The following NCAM1 variants were observed in gnomAD, a reference collection of about 807,000 sequenced individuals.
The protein encoded by NCAM1 is antigen recognized by monoclonal antibody 5.1H11.
Under a neutral mutation model 109.8 loss-of-function variants are expected in NCAM1, and 14 were observed. That is an observed-to-expected ratio of 0.13 (90% confidence interval 0.08 to 0.20). The LOEUF is 0.20. Among genes scored for constraint, NCAM1 ranks in the 10% least tolerant of loss-of-function variants. The probability of loss-of-function intolerance (pLI) is 1.00; values close to 1 mark genes in which losing one functional copy is unlikely to be tolerated. For missense variants in NCAM1, 774 were observed against 1,109.9 expected, an observed-to-expected ratio of 0.70 and a Z score of 4.30; for synonymous variants, 418 against 442.9, an observed-to-expected ratio of 0.94 and a Z score of 0.70.
At chr11:113,204,073 A>AC (rs1555112395) in intron 2 of NCAM1, among the ~76,000 whole-genome samples, 4 of 152,158 alleles carry the variant, frequency 2.6e-5, no homozygotes, top group Non-Finnish European at 1.5e-5. Flanking sequence ...TTCTTTCCAA[A>AC]TATTGTAAGA....
intron 1 of NCAM1, among the ~76,000 whole-genome samples, chr11:112,989,480 T>C (rs1223132695): frequency 6.6e-6 from 1 of 152,160 alleles, no homozygotes; most frequent in Admixed American, 6.5e-5. Flanking sequence ...ATGTTTCTGT[T>C]TATTTATTAC....
At chr11:113,093,814 A>G (rs1057425825) in intron 1 of NCAM1, among the ~76,000 whole-genome samples, 1 of 152,166 alleles carries the variant, frequency 6.6e-6, no homozygotes, top group Non-Finnish European at 1.5e-5. Flanking sequence ...TCCTCTGCAG[A>G]CTGGTGGAAG....
intron 1 of NCAM1, among the ~76,000 whole-genome samples, chr11:112,966,484 C>T (rs1950731744): frequency 6.6e-6 from 1 of 152,168 alleles, no homozygotes. Flanking sequence ...TGTAGTGAAA[C>T]TATTTTTAAC....
chr11:113,119,141 T>TAGAC (rs5794845), intron 1 of NCAM1, among the ~76,000 whole-genome samples: 84,067 of 150,856 alleles, frequency 0.56, 23,900 homozygotes, highest in Admixed American at 0.6. Context: ...GAGGTGACAT[T>TAGAC]AGACAGGAAG....
chr11:113,072,254 A>G (rs1211754806), intron 1 of NCAM1, among the ~76,000 whole-genome samples: 1 of 152,246 alleles, frequency 6.6e-6, no homozygotes, highest in African/African-American at 2.4e-5. Flanking sequence ...AAGCTTATTA[A>G]TAAAGACAAA....
intron 14 of NCAM1, chr11:113,240,681 G>C (rs1945294178): frequency 1.9e-6 from 2 of 1,045,524 alleles, no homozygotes; most frequent in Non-Finnish European, 1.5e-6. Flanking sequence ...ACTCACTTCA[G>C]CTCCTCATAC....
chr11:113,068,033 C>T (rs1938057337), intron 1 of NCAM1, among the ~76,000 whole-genome samples: 1 of 151,804 alleles, frequency 6.6e-6, no homozygotes, highest in South Asian at 2.1e-4. Context: ...GCCTCAGCCT[C>T]CCGAGTAGCT....
intron 1 of NCAM1, among the ~76,000 whole-genome samples, chr11:113,079,932 G>T (rs1938713425): frequency 6.6e-6 from 1 of 152,158 alleles, no homozygotes. Context: ...TCGTTCTTTG[G>T]AAGGCTTTGT....
chr11:113,070,426 G>T (rs1938206944), intron 1 of NCAM1, among the ~76,000 whole-genome samples: 1 of 152,118 alleles, frequency 6.6e-6, no homozygotes, highest in Non-Finnish European at 1.5e-5. Flanking sequence ...TGCACAGGTA[G>T]CTGGAGAGAG....
chr11:113,141,830 C>G (rs2136203025), intron 1 of NCAM1, among the ~76,000 whole-genome samples: 1 of 152,204 alleles, frequency 6.6e-6, no homozygotes, highest in African/African-American at 2.4e-5. Flanking sequence ...ATTTTTTTGT[C>G]ATCCATATTT....
chr11:113,110,230 C>T (rs1237081085), intron 1 of NCAM1, among the ~76,000 whole-genome samples: 5 of 152,156 alleles, frequency 3.3e-5, no homozygotes, highest in Non-Finnish European at 7.3e-5. Context: ...CATTTGGGAG[C>T]TTCCCAGCAG....
At position 113,144,771 on chromosome 11, in the gene NCAM1, A is replaced by G. The variant is rs1369681616; in HGVS notation, c.53-57608A>G. Among the ~76,000 whole-genome samples the G allele has an allele frequency of 2.6e-5, 4 of 152,228 alleles. 1 individual carries two copies. Among genetic ancestry groups the G allele is most frequent in the African/African-American group, 9.6e-5 (4 of 41,464 alleles). ...CACTGTAAAATGGGAAAAATACAGT[A>G]CATGTGTCAAAGAGTAGTAAAAGGA... is the stretch of plus-strand genomic sequence containing the variant. On this transcript the variant is annotated intron_variant, in intron 1 of 19. Transcript: ENST00000316851.
At position 113,256,365 on chromosome 11, in the gene NCAM1, T is replaced by C. The variant is rs531633494; in HGVS notation, c.1953+364T>C. Among the ~76,000 whole-genome samples the C allele has an allele frequency of 1.6e-3, 238 of 152,358 alleles. 1 individual carries two copies. Among genetic ancestry groups the C allele is most frequent in the African/African-American group, 5.1e-3 (210 of 41,580 alleles). ...CCTACCTTGGATAACATGTGTATTG[T>C]AGGCCAGGCACCTGCACCTCACTGT... On this transcript the variant is annotated intron_variant, in intron 16 of 19. Transcript: ENST00000316851.
At chr11:112,992,291 A>G (rs1165671502) in intron 1 of NCAM1, among the ~76,000 whole-genome samples, 3 of 152,172 alleles carry the variant, frequency 2.0e-5, no homozygotes, top group African/African-American at 2.4e-5. Flanking sequence ...ACTATTTCCC[A>G]TCTGAAGAAG....
chr11:113,220,906 G>A lies in NCAM1; in HGVS notation c.1060-390G>A, dbSNP rs2137088480. Among the ~76,000 whole-genome samples, 2 of 152,184 alleles carry A rather than the reference G, an allele frequency of 1.3e-5. 1 individual carries two copies. The highest frequency in any genetic ancestry group is 4.2e-4 in the South Asian group (2 of 4,814). On this transcript the variant is annotated intron_variant, in intron 8 of 19. Coordinates refer to ENST00000316851, the MANE Select transcript of NCAM1 (RefSeq NM_181351.5). ...TTACAGGCATGAGCAACCGCACCCG[G>A]CCAGAGGAGACCTACTCTCTTAAGT...
intron 1 of NCAM1, among the ~76,000 whole-genome samples, chr11:113,183,293 A>G (rs929221758): frequency 6.6e-6 from 1 of 152,200 alleles, no homozygotes; most frequent in Admixed American, 6.5e-5. Context: ...CAGAATCCGG[A>G]TGCCCTGCCA....
In NCAM1 at chr11:113,233,984, G is replaced by A. The variant is rs1204351178; in HGVS notation, c.1693+667G>A. On this transcript the variant is annotated intron_variant, in intron 13 of 19. Transcript: ENST00000316851. The surrounding 1 kb of genome is among the most constrained non-coding windows in gnomAD (Gnocchi z 4.5). ...CAAATTTTTAATCCTGGTCTCGTAT[G>A]TGGTAATTCGAGTGGAATTGGAAGT... 6.6e-6 allele frequency among the ~76,000 whole-genome samples: 1 copy of A among 152,174 alleles called. No homozygotes were observed. Among genetic ancestry groups the A allele is most frequent in the Admixed American group, 6.5e-5 (1 of 15,276 alleles).
In NCAM1 at chr11:112,977,466, C is replaced by T. The variant is rs140403306; in HGVS notation, c.52+15802C>T. 6.8e-4 allele frequency: 104 copies of T among 151,846 alleles called. 1 individual carries two copies. The highest frequency in any genetic ancestry group is 2.4e-3 in the African/African-American group (101 of 41,492). The allele number at this position is 151,846 out of a possible 1,614,324, so 9.4% of individuals were successfully genotyped here. ...TTATAAAAAATTTTAAAAATCACCA[C>T]ATTTTCCAAAAGTTTATGCCAGAAA... On this transcript the variant is annotated intron_variant, in intron 1 of 19. Coordinates refer to ENST00000316851, the MANE Select transcript of NCAM1 (RefSeq NM_181351.5).
At chr11:113,077,615 C>T (rs1938586736) in intron 1 of NCAM1, among the ~76,000 whole-genome samples, 1 of 152,164 alleles carries the variant, frequency 6.6e-6, no homozygotes, top group African/African-American at 2.4e-5. Context: ...TCACCTTTTC[C>T]TTATCTCATC....
Sources: gnomAD v4.1 joint callset for allele counts (sites outside exome capture counted in the v4.1 genomes callset) on GRCh38, gnomAD v4.1.1 for gene constraint, Gnocchi (gnomAD v3.1) non-coding constraint, MANE v1.5 for transcripts, NCBI Gene and HGNC (gene_info 2026-07-23, HGNC 2026-07-21) for gene names.